Variants in CFAP61 observed in about 807,000 individuals in gnomAD.
The protein encoded by CFAP61 is cilia- and flagella-associated protein 61.
Under a neutral mutation model 135.6 loss-of-function variants are expected in CFAP61, and 107 were observed. The observed-to-expected ratio is 0.79, with a 90% CI of 0.67 to 0.93. The LOEUF is 0.93. Among genes scored for constraint, CFAP61 ranks in the 40% least tolerant of loss-of-function variants. The pLI, the probability that CFAP61 is intolerant of heterozygous loss-of-function variation, is 0.00. For missense variants in CFAP61, 1,507 were observed against 1,556.2 expected, an observed-to-expected ratio of 0.97 and a Z score of 0.53; for synonymous variants, 575 against 578.5, an observed-to-expected ratio of 0.99 and a Z score of 0.09.
chr20:20,212,828 G>A (rs552084710), intron 17 of CFAP61, among the ~76,000 whole-genome samples: 4 of 152,314 alleles, frequency 2.6e-5, no homozygotes, highest in African/African-American at 4.8e-5. Flanking sequence ...AGTCAGTATT[G>A]TTGTGTACTG....
At chr20:20,339,496 CTAGGCTGGAGTGCAG>C (rs897231582) in intron 25 of CFAP61, among the ~76,000 whole-genome samples, 24 of 152,154 alleles carry the variant, frequency 1.6e-4, no homozygotes, top group Admixed American at 1.4e-3. Flanking sequence ...ACTCTGTCAC[CTAGGCTGGAGTGCAG>C]TAGGCTGGAG....
chr20:20,294,242 G>A (rs765407976), intron 24 of CFAP61, among the ~76,000 whole-genome samples: 2 of 152,238 alleles, frequency 1.3e-5, no homozygotes, highest in East Asian at 3.9e-4. Context: ...CTTTCTATGA[G>A]CAATTGCAGC....
chr20:20,232,519 A>C (rs1227547722), intron 18 of CFAP61, among the ~76,000 whole-genome samples: 3 of 152,078 alleles, frequency 2.0e-5, no homozygotes, highest in African/African-American at 7.2e-5. Context: ...TTCGTTAGAA[A>C]TGCACAACCT....
chr20:20,221,685 T>C (rs1026687629), intron 17 of CFAP61: 3 of 152,202 alleles, frequency 2.0e-5, no homozygotes, highest in Non-Finnish European at 4.4e-5. Flanking sequence ...AGTAACAAAA[T>C]GTAACACAGC....
intron 8 of CFAP61, among the ~76,000 whole-genome samples, chr20:20,109,929 G>A (rs145411297): frequency 2.0e-5 from 3 of 147,744 alleles, no homozygotes; most frequent in East Asian, 4.0e-4. Flanking sequence ...TTTTTGAGAC[G>A]GAGTCTCGCT....
At chr20:20,054,258 T>C (rs2044087811) in intron 1 of CFAP61, among the ~76,000 whole-genome samples, 1 of 152,034 alleles carries the variant, frequency 6.6e-6, no homozygotes, top group Non-Finnish European at 1.5e-5. Flanking sequence ...AAAGTGATTG[T>C]TTAGGTTTAT....
intron 26 of CFAP61, among the ~76,000 whole-genome samples, chr20:20,351,574 GAAA>G (rs59389638): frequency 7.0e-6 from 1 of 142,930 alleles, no homozygotes. Flanking sequence ...ACTCTGTCTC[GAAA>G]AAAAAAAAAA....
At chr20:20,087,394 T>C (rs1186030590) in intron 6 of CFAP61, among the ~76,000 whole-genome samples, 1 of 152,220 alleles carries the variant, frequency 6.6e-6, no homozygotes, top group African/African-American at 2.4e-5. Context: ...AGTATTTGTT[T>C]TTTTGTTCCT....
chr20:20,276,911 C>A, intron 21 of CFAP61, among the ~76,000 whole-genome samples: 1 of 152,272 alleles, frequency 6.6e-6, no homozygotes, highest in South Asian at 2.1e-4. Flanking sequence ...TTTCTTTCAG[C>A]CTAATTTCAA....
chr20:20,304,667 CAG>C (rs2056352951), intron 25 of CFAP61, among the ~76,000 whole-genome samples: 8 of 151,972 alleles, frequency 5.3e-5, no homozygotes, highest in Admixed American at 3.9e-4. Context: ...TTTAGAATGG[CAG>C]CACCTTCTGC....
chr20:20,322,022 T>G (rs2057540759), intron 25 of CFAP61, among the ~76,000 whole-genome samples: 1 of 152,158 alleles, frequency 6.6e-6, no homozygotes, highest in Admixed American at 6.6e-5. Flanking sequence ...CAGACCACCA[T>G]GCTGTGAGGA....
At chr20:20,302,467 G>C (rs1256417658) in intron 25 of CFAP61, among the ~76,000 whole-genome samples, 1 of 152,122 alleles carries the variant, frequency 6.6e-6, no homozygotes, top group Non-Finnish European at 1.5e-5. Context: ...TTCAGGACCA[G>C]CCTGGCCAAC....
intron 26 of CFAP61, among the ~76,000 whole-genome samples, chr20:20,358,521 G>A (rs1237135574): frequency 2.6e-5 from 4 of 152,166 alleles, no homozygotes; most frequent in Non-Finnish European, 5.9e-5. Flanking sequence ...AATTAAGGAA[G>A]AAAGAGCCAA....
intron 6 of CFAP61, among the ~76,000 whole-genome samples, chr20:20,080,810 T>C (rs1159798008): frequency 6.6e-6 from 1 of 152,068 alleles, no homozygotes; most frequent in East Asian, 1.9e-4. Flanking sequence ...GAGACCATCT[T>C]GGCCAACATG....
chr20:20,190,687 G>A (rs1217314718), intron 14 of CFAP61, among the ~76,000 whole-genome samples: 2 of 152,066 alleles, frequency 1.3e-5, no homozygotes, highest in Non-Finnish European at 2.9e-5. Flanking sequence ...ACTGAACAAA[G>A]TGTACAAGAA....
At chr20:20,160,489 A>C (rs2053302517) in intron 10 of CFAP61, among the ~76,000 whole-genome samples, 1 of 152,116 alleles carries the variant, frequency 6.6e-6, no homozygotes, top group Non-Finnish European at 1.5e-5. Context: ...CAGAGAACAA[A>C]GCTTGGACCG....
intron 9 of CFAP61, among the ~76,000 whole-genome samples, chr20:20,157,226 C>T (rs879567600): frequency 4.8e-4 from 73 of 152,088 alleles, no homozygotes; most frequent in Non-Finnish European, 7.1e-4. Context: ...TGAACCACCA[C>T]ACCTAGATTT....
At chr20:20,358,039 A>G (rs369731480) in intron 26 of CFAP61, among the ~76,000 whole-genome samples, 2,257 of 59,838 alleles carry the variant, frequency 0.038, 3 homozygotes, top group Non-Finnish European at 0.047. Context: ...CACACTGAGG[A>G]GAGGTGGTCA....
intron 13 of CFAP61, chr20:20,171,699 C>T: frequency 1.7e-6 from 1 of 600,096 alleles, no homozygotes; most frequent in Non-Finnish European, 3.0e-6. Context: ...ACAGGCATTA[C>T]TGTAACACAT....
Sources: gnomAD v4.1 joint callset for allele counts (sites outside exome capture counted in the v4.1 genomes callset) on GRCh38, gnomAD v4.1.1 for gene constraint, MANE v1.5 for transcripts, NCBI Gene and HGNC (gene_info 2026-07-23, HGNC 2026-07-21) for gene names.